The following PDE1C variants were observed in gnomAD, a reference collection of about 807,000 sequenced individuals.
The protein encoded by PDE1C is dual specificity calcium/calmodulin-dependent 3',5'-cyclic nucleotide phosphodiesterase 1C.
PDE1C carries 62 observed loss-of-function variants against 93.1 expected under a neutral mutation model. The observed-to-expected ratio is 0.67, with a 90% CI of 0.54 to 0.82. The LOEUF (loss-of-function observed/expected upper bound fraction) is 0.82, where lower values mean the gene tolerates loss of function less well. Ranked by LOEUF, PDE1C falls within the 40% of genes least tolerant of loss-of-function variation. The pLI, the probability that PDE1C is intolerant of heterozygous loss-of-function variation, is 0.00. For missense variants in PDE1C, 742 were observed against 884.6 expected, an observed-to-expected ratio of 0.84 and a Z score of 2.04; for synonymous variants, 325 against 310.1, an observed-to-expected ratio of 1.05 and a Z score of -0.50.
intron 1 of PDE1C, among the ~76,000 whole-genome samples, chr7:32,358,677 G>A (rs967187690): frequency 6.6e-6 from 1 of 152,184 alleles, no homozygotes; most frequent in Non-Finnish European, 1.5e-5. Context: ...AGGGAGTGTT[G>A]TAGTCTTCAC....
At chr7:31,890,021 G>C (rs1798432303) in intron 2 of PDE1C, among the ~76,000 whole-genome samples, 1 of 152,076 alleles carries the variant, frequency 6.6e-6, no homozygotes, top group South Asian at 2.1e-4. Flanking sequence ...ATTATGCTAA[G>C]AAAATCTTTC....
intron 2 of PDE1C, among the ~76,000 whole-genome samples, chr7:31,886,776 A>AC (rs1562972100): frequency 5.8e-4 from 21 of 36,330 alleles, no homozygotes; most frequent in Middle Eastern, 0.012. Flanking sequence ...ATTCAGATCT[A>AC]TTCAGAATAG....
chr7:32,015,825 G>C (rs562946885), intron 2 of PDE1C, among the ~76,000 whole-genome samples: 15 of 152,184 alleles, frequency 9.9e-5, no homozygotes, highest in African/African-American at 3.6e-4. Context: ...ATTCACACAA[G>C]AAAGATTATA....
the PDE1C span, chr7:31,642,587 A>G: frequency 2.2e-5 from 24 of 1,114,038 alleles, no homozygotes; most frequent in Non-Finnish European, 2.7e-5. Context: ...TTATCTCCTG[A>G]CTCCTAAGGC....
chr7:31,654,019 T>G, the PDE1C span, among the ~76,000 whole-genome samples: 2 of 148,440 alleles, frequency 1.3e-5, no homozygotes, highest in South Asian at 2.1e-4. Context: ...CAGATGGACT[T>G]TCTACTCAGA....
intron 3 of PDE1C, among the ~76,000 whole-genome samples, chr7:32,125,691 G>C (rs1227833031): frequency 2.0e-5 from 3 of 152,016 alleles, no homozygotes; most frequent in Non-Finnish European, 4.4e-5. Context: ...ATAGAGGGAA[G>C]GGAACAACAC....
intron 1 of PDE1C, among the ~76,000 whole-genome samples, chr7:32,326,801 C>A (rs1162066582): frequency 6.6e-6 from 1 of 152,126 alleles, no homozygotes; most frequent in Admixed American, 6.5e-5. Flanking sequence ...GTCAAGAGAA[C>A]CTTTTCTAAG....
intron 2 of PDE1C, among the ~76,000 whole-genome samples, chr7:32,044,287 G>T (rs1040318345): frequency 6.6e-6 from 1 of 152,088 alleles, no homozygotes; most frequent in Non-Finnish European, 1.5e-5. Context: ...TATGAAAGAA[G>T]AAAGGATCAT....
At chr7:32,144,303 C>T (rs1800700018) in intron 3 of PDE1C, among the ~76,000 whole-genome samples, 2 of 152,082 alleles carry the variant, frequency 1.3e-5, no homozygotes, top group Non-Finnish European at 2.9e-5. Context: ...GGCATTTTCC[C>T]CAGGGTGCAA....
chr7:31,749,490 CAT>C (rs1253749675), downstream of PDE1C, among the ~76,000 whole-genome samples: 2 of 152,100 alleles, frequency 1.3e-5, no homozygotes, highest in Non-Finnish European at 2.9e-5. Context: ...GGTGAGCTCA[CAT>C]GTCTTGAAAA....
chr7:31,852,556 G>C (rs766476562), intron 7 of PDE1C, among the ~76,000 whole-genome samples: 4 of 152,142 alleles, frequency 2.6e-5, no homozygotes, highest in Non-Finnish European at 5.9e-5. Context: ...ACTATGCTAG[G>C]TGCTTTTATA....
At chr7:31,642,365 G>A in the PDE1C span, 2 of 785,320 alleles carry the variant, frequency 2.5e-6, no homozygotes, top group South Asian at 1.9e-5. Flanking sequence ...TCAGAAAGAG[G>A]GGTGTTTTAA....
intron 3 of PDE1C, among the ~76,000 whole-genome samples, chr7:32,163,602 T>C (rs1485774002): frequency 6.6e-6 from 1 of 152,184 alleles, no homozygotes; most frequent in South Asian, 2.1e-4. Context: ...AAGCCCCCAC[T>C]GACTCTGTAG....
At chr7:32,052,054 T>A (rs1793459265) in intron 1 of PDE1C, among the ~76,000 whole-genome samples, 1 of 152,272 alleles carries the variant, frequency 6.6e-6, no homozygotes, top group African/African-American at 2.4e-5. Flanking sequence ...GTTACTATTA[T>A]CCCCAACATC....
At chr7:32,075,890 A>G (rs1451987063), upstream of PDE1C, among the ~76,000 whole-genome samples, 4 of 152,126 alleles carry the variant, frequency 2.6e-5, no homozygotes, top group African/African-American at 4.8e-5. Flanking sequence ...AAGGACTTGG[A>G]GTGGTACTGC....
chr7:32,179,151 G>A (rs921350599), intron 2 of PDE1C, among the ~76,000 whole-genome samples: 2 of 152,102 alleles, frequency 1.3e-5, no homozygotes, highest in African/African-American at 4.8e-5. Flanking sequence ...CAAGTAAACA[G>A]ATGCTTAGTG....
chr7:32,342,365 TCAC>T (rs1387547703), intron 1 of PDE1C, among the ~76,000 whole-genome samples: 1 of 151,756 alleles, frequency 6.6e-6, no homozygotes, highest in Non-Finnish European at 1.5e-5. Context: ...AATATATACA[TCAC>T]CACAAAAATA....
intron 7 of PDE1C, among the ~76,000 whole-genome samples, chr7:31,863,156 C>T (rs1294614086): frequency 6.6e-6 from 1 of 151,868 alleles, no homozygotes; most frequent in East Asian, 1.9e-4. Context: ...TTTTTGTGCC[C>T]TTTGATTTAA....
intron 1 of PDE1C, among the ~76,000 whole-genome samples, chr7:32,309,074 G>T (rs186352681): frequency 6.6e-6 from 1 of 152,082 alleles, no homozygotes; most frequent in Non-Finnish European, 1.5e-5. Flanking sequence ...GGAGCTGAAA[G>T]CCAAGGCTCA....
Sources: allele counts gnomAD v4.1 joint callset (sites outside exome capture counted in the v4.1 genomes callset), GRCh38; gene constraint gnomAD v4.1.1; transcripts MANE v1.5; gene names NCBI Gene and HGNC (gene_info 2026-07-23, HGNC 2026-07-21).